GALNT9: variants seen among roughly 807,000 people sequenced by gnomAD.
GALNT9 encodes the protein GalNAc transferase 9.
In GALNT9, 47 loss-of-function variants were observed where a neutral mutation model predicts 63.1. The ratio of observed to expected loss-of-function variants is 0.75; its 90% CI spans 0.59 to 0.95. The LOEUF is 0.95. GALNT9 is among the 40% of genes least tolerant of loss of function. The pLI, the probability that GALNT9 is intolerant of heterozygous loss-of-function variation, is 0.00. For missense variants in GALNT9, 829 were observed against 874.8 expected (o/e 0.95, Z 0.66); for synonymous variants, 396 against 365.7 (o/e 1.08, Z -0.94).
At chr12:132,228,195 T>A (rs1435353397) in intron 6 of GALNT9, among the ~76,000 whole-genome samples, 1 of 152,010 alleles carries the variant, frequency 6.6e-6, no homozygotes, top group African/African-American at 2.4e-5. Context: ...AGCCTCTCCC[T>A]CTGCCCTCCA....
rs1183575004 is a variant in GALNT9 at position 132,236,903 on chromosome 12, G to A, written c.1077+11007C>T. On this transcript the variant is annotated intron_variant, in intron 6 of 10. Transcript: ENST00000328957. This position sits in a 1 kb window ranked among gnomAD's most constrained non-coding sequence, Gnocchi z 5.6. Reference sequence around the variant, plus strand: ...TGGGAAAGCCATGTGGGTGCTGGTCGTGTGGCCTCCCACAGCCTGGCTTCC... The same window carrying A: ...TGGGAAAGCCATGTGGGTGCTGGTCATGTGGCCTCCCACAGCCTGGCTTCC... Among the ~76,000 whole-genome samples, 5 of 152,162 alleles carry A rather than the reference G, an allele frequency of 3.3e-5. No homozygotes were observed. The highest frequency in any genetic ancestry group is 1.9e-4 in the East Asian group (1 of 5,188).
intron 1 of GALNT9, among the ~76,000 whole-genome samples, chr12:132,292,900 C>A (rs990508781): frequency 1.3e-5 from 2 of 151,468 alleles, no homozygotes; most frequent in African/African-American, 2.4e-5. Flanking sequence ...AGGGCTTTCA[C>A]GGAAAATACT....
chr12:132,222,670 G>A (rs2135520993), intron 6 of GALNT9, among the ~76,000 whole-genome samples: 1 of 151,996 alleles, frequency 6.6e-6, no homozygotes, highest in African/African-American at 2.4e-5. Flanking sequence ...CGCCGCAGAG[G>A]CACTTCCTGC....
At chr12:132,254,548 AC>A (rs1302149243) in intron 5 of GALNT9, among the ~76,000 whole-genome samples, 1 of 152,202 alleles carries the variant, frequency 6.6e-6, no homozygotes, top group East Asian at 1.9e-4. Context: ...GGGCTCCAGC[AC>A]GTGACTCTGT....
In GALNT9 at chr12:132,270,521, C is replaced by T. The variant is rs142147284; in HGVS notation, c.420-7896G>A. Reference sequence around the variant, plus strand: ...AGCTGGCTTCACGCGTTAGCTCTTGCGTACATAATGGTTCTGAGTCTACGA... The same window carrying T: ...AGCTGGCTTCACGCGTTAGCTCTTGTGTACATAATGGTTCTGAGTCTACGA... On this transcript the variant is annotated intron_variant, in intron 2 of 10. Transcript: ENST00000328957. Among the ~76,000 whole-genome samples the T allele has an allele frequency of 7.3e-3, 1,109 of 152,344 alleles. 22 individuals carry two copies. Among genetic ancestry groups the T allele is most frequent in the Admixed American group, 0.041 (628 of 15,308 alleles).
At chr12:132,307,445 AG>A (rs1364128751) in intron 1 of GALNT9, among the ~76,000 whole-genome samples, 1 of 152,124 alleles carries the variant, frequency 6.6e-6, no homozygotes, top group Non-Finnish European at 1.5e-5. Flanking sequence ...CCATGGTCAA[AG>A]GGACTTTACA....
rs1555246050 is a variant in GALNT9 at position 132,320,743 on chromosome 12, C to T, written c.238+8223G>A. ...CAAGGCCTCCGCCCCCACCAGGTGC[C>T]CTCGGGGTTGGAGAATCATCAGCCC... On this transcript the variant is annotated intron_variant, in intron 1 of 10. Coordinates refer to ENST00000328957, the MANE Select transcript of GALNT9 (RefSeq NM_001122636.2). 2.0e-5 allele frequency among the ~76,000 whole-genome samples: 3 copies of T among 152,368 alleles called. No individual in the cohort carries two copies. In the East Asian group the frequency reaches 5.8e-4, roughly 29 times the overall value.
chr12:132,203,729 A>G (rs745761751), intron 6 of GALNT9, 39 bp from the exon 7 acceptor site: 3 of 1,596,016 alleles, frequency 1.9e-6, no homozygotes, highest in Non-Finnish European at 2.6e-6. Flanking sequence ...GTCCTTCCCA[A>G]CGGAAGCGGG....
At chr12:132,213,351 A>G (rs2135515090) in intron 6 of GALNT9, among the ~76,000 whole-genome samples, 1 of 113,330 alleles carries the variant, frequency 8.8e-6, no homozygotes, top group Non-Finnish European at 2.0e-5. Context: ...GTGTGAGCCA[A>G]TTCTTAGAAT....
intron 6 of GALNT9, among the ~76,000 whole-genome samples, chr12:132,214,608 G>C (rs1565989325): frequency 6.6e-6 from 1 of 152,196 alleles, no homozygotes; most frequent in African/African-American, 2.4e-5. Flanking sequence ...TGGAAGCCAG[G>C]CCCCCCAGGC....
chr12:132,262,422 G>A (rs782614402), intron 3 of GALNT9, 37 bp downstream of exon 3: 54 of 1,527,742 alleles, frequency 3.5e-5, no homozygotes, highest in Middle Eastern at 1.8e-4. Flanking sequence ...ACAGGCAGCC[G>A]CCCGGCGAGC....
chr12:132,259,871 T>G (rs28368574), intron 4 of GALNT9, among the ~76,000 whole-genome samples: 80,962 of 151,040 alleles, frequency 0.54, 23,032 homozygotes, highest in African/African-American at 0.75. Context: ...CTTCAGTTTT[T>G]GTTTCTCCAG....
intron 10 of GALNT9, 66 bp from the exon 11 acceptor site, chr12:132,197,319 G>A: frequency 1.3e-6 from 2 of 1,581,444 alleles, no homozygotes; most frequent in Non-Finnish European, 1.7e-6. Flanking sequence ...CCCCACCTCA[G>A]GGAGGCTGCT....
At chr12:132,269,280 G>A (rs1566006855) in intron 2 of GALNT9, among the ~76,000 whole-genome samples, 1 of 152,114 alleles carries the variant, frequency 6.6e-6, no homozygotes, top group Non-Finnish European at 1.5e-5. Flanking sequence ...GGTGATGGGA[G>A]GACTCGTCGA....
chr12:132,269,005 C>G (rs1344785243), intron 2 of GALNT9, among the ~76,000 whole-genome samples: 4 of 152,172 alleles, frequency 2.6e-5, no homozygotes, highest in African/African-American at 9.7e-5. Flanking sequence ...GATATCTGAG[C>G]CTGGAGTTCA....
In GALNT9 at chr12:132,259,543, G is replaced by A. The variant is rs529711248; in HGVS notation, c.761+1405C>T. 5.9e-5 allele frequency among the ~76,000 whole-genome samples: 9 copies of A among 152,340 alleles called. No homozygotes were observed. The South Asian group carries it at 1.0e-3, about 18-fold the overall frequency. ...GGCAGCGTCTTGTCAGAACAGCGCCGGCTGGGGACTGAGATGCCCCAGGAA... is the reference window on the plus strand; with the variant it reads ...GGCAGCGTCTTGTCAGAACAGCGCCAGCTGGGGACTGAGATGCCCCAGGAA... On this transcript the variant is annotated intron_variant, in intron 4 of 10. Transcript: ENST00000328957.
chr12:132,288,039 C>T (rs1367241039), intron 1 of GALNT9, among the ~76,000 whole-genome samples: 7 of 152,222 alleles, frequency 4.6e-5, no homozygotes, highest in African/African-American at 1.7e-4. Flanking sequence ...CCAGTGGAAA[C>T]ACAAACTTGT....
At chr12:132,198,040 C>G (rs1875663824) in intron 9 of GALNT9, 81 bp from the exon 10 acceptor site, 1 of 1,213,130 alleles carries the variant, frequency 8.2e-7, no homozygotes, top group Non-Finnish European at 1.2e-6. Context: ...TGCGAGCTGC[C>G]TTGAGCTGCA....
intron 6 of GALNT9, among the ~76,000 whole-genome samples, chr12:132,235,702 A>G (rs1430290505): frequency 8.2e-5 from 12 of 146,022 alleles, no homozygotes; most frequent in African/African-American, 3.1e-4. Context: ...CTGGAGTTCA[A>G]CCCTCGGGAC....
Sources: gnomAD v4.1 joint callset for allele counts (sites outside exome capture counted in the v4.1 genomes callset) on GRCh38, gnomAD v4.1.1 for gene constraint, Gnocchi (gnomAD v3.1) non-coding constraint, MANE v1.5 for transcripts, NCBI Gene and HGNC (gene_info 2026-07-23, HGNC 2026-07-21) for gene names.